ABCC6: variants seen among roughly 807,000 people sequenced by gnomAD.
ABCC6 encodes the protein ATP-binding cassette sub-family C member 6.
A neutral mutation model predicts 169.5 loss-of-function variants in ABCC6; 126 were observed. The observed-to-expected ratio is 0.74, with a 90% CI of 0.64 to 0.86. The LOEUF (loss-of-function observed/expected upper bound fraction) is 0.86. ABCC6 is among the 40% of genes least tolerant of loss of function. The pLI is 0.00. For missense variants in ABCC6, 1,733 were observed against 1,927.2 expected, an observed-to-expected ratio of 0.90 and a Z score of 1.89; for synonymous variants, 752 against 814.7, an observed-to-expected ratio of 0.92 and a Z score of 1.31.
intron 7 of ABCC6, among the ~76,000 whole-genome samples, chr16:16,207,314 A>G (rs566645678): frequency 2.2e-4 from 34 of 152,356 alleles, no homozygotes; most frequent in Middle Eastern, 3.4e-3. Context: ...GACTTGAGCC[A>G]GGCCAATTAG....
chr16:16,193,645 C>T (rs1324002672), intron 10 of ABCC6, among the ~76,000 whole-genome samples: 2 of 152,140 alleles, frequency 1.3e-5, no homozygotes, highest in East Asian at 3.9e-4. Context: ...ACCCAGGAGG[C>T]GGAGCTTACA....
intron 23 of ABCC6, among the ~76,000 whole-genome samples, chr16:16,165,219 TG>T (rs2046837329): frequency 6.6e-6 from 1 of 152,188 alleles, no homozygotes; most frequent in Admixed American, 6.5e-5. Context: ...GAGACCAGCC[TG>T]GGCAACACAG....
At chr16:16,159,673 GC>G in intron 25 of ABCC6, 90 bp from the exon 26 acceptor site, 1 of 1,178,394 alleles carries the variant, frequency 8.5e-7, no homozygotes, top group Non-Finnish European at 1.2e-6. Flanking sequence ...TTTCTGGGAG[GC>G]CAGACCCAGG....
intron 10 of ABCC6, among the ~76,000 whole-genome samples, chr16:16,194,413 C>G (rs745556698): frequency 2.0e-5 from 3 of 152,240 alleles, no homozygotes; most frequent in Non-Finnish European, 2.9e-5. Context: ...CTGAAACTCA[C>G]ACTTCACTGA....
intron 26 of ABCC6, among the ~76,000 whole-genome samples, chr16:16,158,698 T>C (rs1244164272): frequency 1.3e-5 from 2 of 152,236 alleles, no homozygotes; most frequent in South Asian, 2.1e-4. Context: ...TTTGCCATCA[T>C]GTTACTATAA....
chr16:16,207,794 T>C (rs1373456548), intron 7 of ABCC6, among the ~76,000 whole-genome samples: 7 of 151,446 alleles, frequency 4.6e-5, no homozygotes, highest in Admixed American at 1.3e-4. Flanking sequence ...GACCAGAGTT[T>C]CTCAAATGAG....
chr16:16,174,765 C>A (rs1169744900), intron 20 of ABCC6, among the ~76,000 whole-genome samples: 3 of 128,804 alleles, frequency 2.3e-5, no homozygotes, highest in African/African-American at 8.2e-5. Flanking sequence ...TCAAAACCCC[C>A]CCCCGCAAAA....
intron 24 of ABCC6, among the ~76,000 whole-genome samples, chr16:16,162,742 G>T (rs2046757278): frequency 6.6e-6 from 1 of 152,162 alleles, no homozygotes; most frequent in Admixed American, 6.5e-5. Flanking sequence ...TTATCACCAA[G>T]GCAAAAGAGG....
intron 6 of ABCC6, 107 bp from the exon 7 acceptor site, chr16:16,208,966 T>G: frequency 6.5e-6 from 10 of 1,538,228 alleles, no homozygotes; most frequent in Non-Finnish European, 7.1e-6. Context: ...TACCTCTCTG[T>G]ACCTCTACTG....
At chr16:16,200,904 A>T (rs1392120790) in intron 9 of ABCC6, among the ~76,000 whole-genome samples, 2 of 151,804 alleles carry the variant, frequency 1.3e-5, no homozygotes, top group Non-Finnish European at 2.9e-5. Context: ...TATGGCCTCC[A>T]ACCAGGTATT....
In ABCC6 at chr16:16,149,901, G is replaced by C; in HGVS notation, c.*232C>G. 1 of 632,342 alleles carries C rather than the reference G, an allele frequency of 1.6e-6. No individual in the cohort carries two copies. Among genetic ancestry groups the C allele is most frequent in the Non-Finnish European group, 2.8e-6 (1 of 357,060 alleles). The allele number at this position is 632,342 out of a possible 1,614,324, so 39.2% of individuals were successfully genotyped here. ...GAGTCGCTGTTGACATTGGCTGCAG[G>C]GTGGACAGGGCGAGATGGGCCCTGC... On this transcript the variant is annotated 3_prime_UTR_variant, in exon 31 of 31. Coordinates refer to ENST00000205557, the MANE Select transcript of ABCC6 (RefSeq NM_001171.6).
intron 20 of ABCC6, among the ~76,000 whole-genome samples, chr16:16,175,619 C>T (rs924002218): frequency 6.6e-6 from 1 of 152,192 alleles, no homozygotes; most frequent in Non-Finnish European, 1.5e-5. Flanking sequence ...TGCCCTACTG[C>T]AGCATTCAGA....
intron 25 of ABCC6, 124 bp from the exon 26 acceptor site, chr16:16,159,707 A>G (rs2046654502): frequency 1.2e-6 from 1 of 831,568 alleles, no homozygotes; most frequent in Admixed American, 2.0e-5. Flanking sequence ...GGAGGCAGGA[A>G]TGGGACAGTC....
chr16:16,150,800 G>A (rs756446011), intron 29 of ABCC6, 28 bp from the exon 30 acceptor site: 2 of 1,610,504 alleles, frequency 1.2e-6, no homozygotes, highest in East Asian at 4.5e-5. Context: ...AATTAGCTGG[G>A]ACGTGCGTTT....
intron 24 of ABCC6, among the ~76,000 whole-genome samples, chr16:16,161,879 C>T (rs1001288274): frequency 2.0e-5 from 3 of 152,114 alleles, no homozygotes; most frequent in Non-Finnish European, 4.4e-5. Flanking sequence ...TGGTTTGGCT[C>T]TGTGTCCCCA....
At chr16:16,155,221 T>C in intron 27 of ABCC6, 190 bp from the exon 28 acceptor site, 1 of 670,266 alleles carries the variant, frequency 1.5e-6, no homozygotes, top group Non-Finnish European at 2.5e-6. Flanking sequence ...CTTCCATCTG[T>C]GTTCTTCTCT....
chr16:16,178,874 AG>A lies in ABCC6; in HGVS notation c.2338del (p.Leu780TrpfsTer31), dbSNP rs1596649191. ...KAAVYLLDDP[L>X]AALDAHVGQH... ...GCCAACGTGGGCATCCAGGGCCGCC[AG>A]GGGGTCATCCAGCAGGTACACAGCT... On this transcript the variant is annotated frameshift_variant, in exon 18 of 31. Transcript: ENST00000205557. LOFTEE classifies it high-confidence loss of function. 1 of 1,613,864 alleles carries A rather than the reference AG, an allele frequency of 6.2e-7. No homozygotes were observed. Among genetic ancestry groups the A allele is most frequent in the Admixed American group, 1.7e-5 (1 of 60,020 alleles).
At chr16:16,150,521 C>T in intron 30 of ABCC6, 57 bp downstream of exon 30, 1 of 1,581,234 alleles carries the variant, frequency 6.3e-7, no homozygotes, top group Admixed American at 1.7e-5. Flanking sequence ...CTGCCTCCGC[C>T]TCCTTCCCCC....
Position 16,192,924 on chromosome 16 carries a change from T to C in ABCC6, c.1339-2A>G, listed in dbSNP as rs2047911840. On this transcript the variant is annotated splice_acceptor_variant, in intron 10 of 30. Transcript: ENST00000205557. LOFTEE classifies it high-confidence loss of function. ...AGTGAGGGCGGAGGGCCCCAGGAGC[T>C]GGGGATAGAAGGGGCAGGATGTCAG... 6.2e-7 allele frequency: 1 copy of C among 1,613,526 alleles called. No homozygotes were observed. The highest frequency in any genetic ancestry group is 1.1e-5 in the South Asian group (1 of 91,034).
Sources: allele counts gnomAD v4.1 joint callset (sites outside exome capture counted in the v4.1 genomes callset), GRCh38; gene constraint gnomAD v4.1.1; transcripts MANE v1.5; gene names NCBI Gene and HGNC (gene_info 2026-07-23, HGNC 2026-07-21).